The following GPR149 variants were observed in gnomAD, a reference collection of about 807,000 sequenced individuals.
GPR149 encodes probable G protein-coupled receptor 149.
Under a neutral mutation model 50.2 loss-of-function variants are expected in GPR149, and 50 were observed. The observed-to-expected ratio is 1.00, with a 90% CI of 0.79 to 1.26. The LOEUF (loss-of-function observed/expected upper bound fraction) is 1.26, where lower values mean the gene tolerates loss of function less well. GPR149 is among the 50% of genes most tolerant of loss of function. GPR149 has a pLI of 0.00. For missense variants in GPR149, 983 were observed against 895.4 expected (o/e 1.10, Z -1.25); for synonymous variants, 405 against 358.2 (o/e 1.13, Z -1.48).
Position 154,428,868 on chromosome 3 carries a change from A to C in GPR149, c.748T>G (p.Ser250Ala). Residue 250 changes from serine to alanine, a missense_variant, in exon 1 of 4, where the codon TCC becomes GCC. Ser to Ala is a moderately conservative substitution (Grantham distance 99). Coordinates refer to ENST00000389740, the MANE Select transcript of GPR149 (RefSeq NM_001038705.3). ...CCTGGAGCATCCTCTGGGGACAGGG[A>C]AACCACTCTCCCCGCAGTAGGAGGG... is the stretch of plus-strand genomic sequence containing the variant. ...GTPPTAGRVV[S>A]LSPEDAPGPS... 1 of 1,613,898 alleles carries C rather than the reference A, an allele frequency of 6.2e-7. No individual in the cohort carries two copies. Among genetic ancestry groups the C allele is most frequent in the Non-Finnish European group, 8.5e-7 (1 of 1,179,918 alleles).
At chr3:154,414,788 A>G (rs981677990) in intron 3 of GPR149, among the ~76,000 whole-genome samples, 5 of 151,962 alleles carry the variant, frequency 3.3e-5, no homozygotes, top group African/African-American at 1.2e-4. Flanking sequence ...AAAATAAAAA[A>G]CAAAATTGGC....
chr3:154,397,645 A>G (rs1297280332), intron 3 of GPR149, among the ~76,000 whole-genome samples: 1 of 152,102 alleles, frequency 6.6e-6, no homozygotes, highest in African/African-American at 2.4e-5. Flanking sequence ...GCTGCACATC[A>G]CGAGTCCTAA....
At position 154,357,091 on chromosome 3, in the gene GPR149, C is replaced by T. The variant is rs191275417; in HGVS notation, c.1624-18820G>A. Among the ~76,000 whole-genome samples the T allele has an allele frequency of 5.7e-3, 871 of 152,266 alleles. 12 individuals are homozygous for T. The highest frequency in any genetic ancestry group is 0.02 in the African/African-American group (811 of 41,548). ...AAACAAGAAATGGGGAAAGGATTCC[C>T]TATTTAATAAATAGTGCTGGGAAAA... On this transcript the variant is annotated intron_variant, in intron 3 of 3. Coordinates refer to ENST00000389740, the MANE Select transcript of GPR149 (RefSeq NM_001038705.3).
chr3:154,399,417 T>C (rs1037880253), intron 3 of GPR149, among the ~76,000 whole-genome samples: 1 of 152,214 alleles, frequency 6.6e-6, no homozygotes, highest in Non-Finnish European at 1.5e-5. Flanking sequence ...CACATAAAGA[T>C]GGCCAGTTAT....
chr3:154,401,265 A>G (rs1305931191), intron 3 of GPR149, among the ~76,000 whole-genome samples: 10 of 152,232 alleles, frequency 6.6e-5, no homozygotes, highest in Admixed American at 6.5e-4. Context: ...GAACTAAATA[A>G]ATATTTCTAA....
intron 3 of GPR149, among the ~76,000 whole-genome samples, chr3:154,341,305 ATATATATATATAT>A (rs1713791021): frequency 2.3e-5 from 1 of 42,780 alleles, no homozygotes; most frequent in Non-Finnish European, 5.4e-5. Flanking sequence ...ATATATATAT[ATATATATATATAT>A]ATATATATAT....
chr3:154,409,972 T>C (rs1711790816), intron 3 of GPR149, among the ~76,000 whole-genome samples: 1 of 152,150 alleles, frequency 6.6e-6, no homozygotes, highest in Non-Finnish European at 1.5e-5. Context: ...TCTTAAGAGA[T>C]GTGAGGCAAA....
In GPR149 at chr3:154,428,891, G is replaced by A. The variant is rs930966164; in HGVS notation, c.725C>T (p.Pro242Leu). The part of the protein sequence containing the change: ...ISRGASIPGT[P>L]PTAGRVVSLS... ...GGAAACCACTCTCCCCGCAGTAGGA[G>A]GGGTCCCAGGAATTGAAGCTCCACG... The change falls in exon 1 of 4, where the codon CCT becomes CTT. Residue 242 changes from proline to leucine, a missense_variant. By Grantham distance (98) the Pro-to-Leu change is moderately conservative. Transcript: ENST00000389740. 6.2e-7 allele frequency: 1 copy of A among 1,613,924 alleles called. No individual in the cohort carries two copies. Among genetic ancestry groups the A allele is most frequent in the African/African-American group, 1.3e-5 (1 of 74,918 alleles).
rs1412691577 is a variant in GPR149 at position 154,335,558 on chromosome 3, G to A, written c.*2141C>T. ...TGTTTCAATGCAGCAGAATTTTTATGTGCATCCATTATACAGTTAATTCAA... is the reference window on the plus strand; with the variant it reads ...TGTTTCAATGCAGCAGAATTTTTATATGCATCCATTATACAGTTAATTCAA... On this transcript the variant is annotated 3_prime_UTR_variant, in exon 4 of 4. Transcript: ENST00000389740. 3 of 152,100 alleles carry A rather than the reference G, an allele frequency of 2.0e-5. No individual in the cohort carries two copies. Among genetic ancestry groups the A allele is most frequent in the Non-Finnish European group, 1.5e-5 (1 of 67,978 alleles). The allele number at this position is 152,100 out of a possible 1,614,324, so 9.4% of individuals were successfully genotyped here.
chr3:154,339,482 T>A (rs1312039848), intron 3 of GPR149, among the ~76,000 whole-genome samples: 1 of 152,142 alleles, frequency 6.6e-6, no homozygotes, highest in Non-Finnish European at 1.5e-5. Flanking sequence ...GCATGGGAGA[T>A]AATGGTATTT....
At position 154,363,955 on chromosome 3, in the gene GPR149, G is replaced by C. The variant is rs1714473514; in HGVS notation, c.1624-25684C>G. ...TGTACCTTATTCCTCTTGGTTGTGG[G>C]ACAAGAACCTGGAACTCACTGAAAT... On this transcript the variant is annotated intron_variant, in intron 3 of 3. Coordinates refer to ENST00000389740, the MANE Select transcript of GPR149 (RefSeq NM_001038705.3). Among the ~76,000 whole-genome samples, 3 of 152,144 alleles carry C rather than the reference G, an allele frequency of 2.0e-5. No homozygotes were observed. In the South Asian group the frequency reaches 6.2e-4, roughly 32 times the overall value.
In GPR149 at chr3:154,338,058, T is replaced by A. The variant is rs757683127; in HGVS notation, c.1837A>T (p.Thr613Ser). 2.5e-6 allele frequency: 4 copies of A among 1,614,044 alleles called. No homozygotes were observed. The highest frequency in any genetic ancestry group is 2.2e-5 in the South Asian group (2 of 91,092). The change falls in exon 4 of 4, where the codon ACC becomes TCC. Residue 613 changes from threonine to serine, a missense_variant. By Grantham distance (58) the Thr-to-Ser change is moderately conservative. Coordinates refer to ENST00000389740, the MANE Select transcript of GPR149 (RefSeq NM_001038705.3). ...SEDSSSTFVD[T>S]SVKIHLEVLE... is the part of the protein sequence containing the mutation. ...ACCTCCAAGTGTATTTTCACACTGG[T>A]GTCCACAAACGTGGATGAAGAATCT...
At chr3:154,366,938 G>T (rs1373075408) in intron 3 of GPR149, among the ~76,000 whole-genome samples, 3 of 152,162 alleles carry the variant, frequency 2.0e-5, no homozygotes, top group African/African-American at 4.8e-5. Context: ...GCAGAGTTTG[G>T]TTTTATTGTC....
chr3:154,361,765 G>A lies in GPR149; in HGVS notation c.1624-23494C>T, dbSNP rs145092542. On this transcript the variant is annotated intron_variant, in intron 3 of 3. Transcript: ENST00000389740. The stretch of plus-strand genomic sequence containing the variant: ...AATTCCCTTTATTATAAAAGTATTC[G>A]AGGAACATTAAATGCACTGATTGAA... 1.5e-3 allele frequency among the ~76,000 whole-genome samples: 223 copies of A among 152,132 alleles called. 1 individual carries two copies. The highest frequency in any genetic ancestry group is 5.3e-3 in the African/African-American group (218 of 41,508).
intron 3 of GPR149, among the ~76,000 whole-genome samples, chr3:154,384,443 C>A (rs1011533304): frequency 2.6e-5 from 4 of 152,126 alleles, no homozygotes; most frequent in African/African-American, 9.7e-5. Context: ...TATATAGTAA[C>A]CATGGAAGCC....
intron 3 of GPR149, among the ~76,000 whole-genome samples, chr3:154,354,413 C>T (rs1018074967): frequency 1.3e-5 from 2 of 152,164 alleles, no homozygotes; most frequent in Non-Finnish European, 2.9e-5. Flanking sequence ...AAATAAGTCT[C>T]ATTCTTTTGT....
intron 3 of GPR149, among the ~76,000 whole-genome samples, chr3:154,365,188 C>A (rs1290281667): frequency 6.6e-6 from 1 of 152,138 alleles, no homozygotes; most frequent in Non-Finnish European, 1.5e-5. Context: ...ATGTTGATAC[C>A]TTTTAACCCC....
chr3:154,382,791 T>A (rs1714957897), intron 3 of GPR149, among the ~76,000 whole-genome samples: 1 of 152,218 alleles, frequency 6.6e-6, no homozygotes, highest in Non-Finnish European at 1.5e-5. Context: ...TTTAATTTAA[T>A]ATACTCAAAT....
intron 3 of GPR149, among the ~76,000 whole-genome samples, chr3:154,395,718 C>T (rs1189748027): frequency 6.6e-6 from 1 of 151,982 alleles, no homozygotes; most frequent in African/African-American, 2.4e-5. Flanking sequence ...ATCCTCGAGC[C>T]CAAAAGTTGG....
Sources: gnomAD v4.1 joint callset for allele counts (sites outside exome capture counted in the v4.1 genomes callset) on GRCh38, gnomAD v4.1.1 for gene constraint, MANE v1.5 for transcripts, NCBI Gene and HGNC (gene_info 2026-07-23, HGNC 2026-07-21) for gene names.